TLCD4: variants seen among roughly 807,000 people sequenced by gnomAD.
TLCD4 encodes TLC domain-containing protein 4.
TLCD4 carries 7 observed loss-of-function variants against 24.2 expected under a neutral mutation model. The ratio of observed to expected loss-of-function variants is 0.29; its 90% CI spans 0.16 to 0.54. The LOEUF (loss-of-function observed/expected upper bound fraction) is 0.54. Among genes scored for constraint, TLCD4 ranks in the 20% least tolerant of loss-of-function variants. TLCD4 has a pLI of 0.95. For missense variants in TLCD4, 259 were observed against 313.9 expected (o/e 0.82, Z 1.32); for synonymous variants, 103 against 106.4 (o/e 0.97, Z 0.20).
chr1:95,106,739 T>G, the TLCD4 span, among the ~76,000 whole-genome samples: 1 of 152,086 alleles, frequency 6.6e-6, no homozygotes, highest in African/African-American at 2.4e-5. Flanking sequence ...AAATAAAAAA[T>G]TATTAATATA....
chr1:95,190,676 C>T (rs1678996885), intron 6 of TLCD4, among the ~76,000 whole-genome samples: 1 of 152,156 alleles, frequency 6.6e-6, no homozygotes, highest in Admixed American at 6.5e-5. Context: ...CCTGCCTCAG[C>T]CTCCCAAAGT....
chr1:95,188,056 A>G (rs941913563), intron 6 of TLCD4, among the ~76,000 whole-genome samples: 50 of 152,218 alleles, frequency 3.3e-4, no homozygotes, highest in African/African-American at 1.1e-3. Flanking sequence ...TAAAGGACCT[A>G]TCTTGAAATA....
intron 2 of TLCD4, among the ~76,000 whole-genome samples, chr1:95,145,512 A>G (rs1677319919): frequency 6.6e-6 from 1 of 152,220 alleles, no homozygotes. Context: ...AATAAGCAGT[A>G]TGATTATTTT....
intron 1 of TLCD4, chr1:95,121,199 T>G (rs758043240): frequency 4.6e-5 from 7 of 152,184 alleles, no homozygotes; most frequent in Non-Finnish European, 1.0e-4. Flanking sequence ...GCACATTTCT[T>G]TAGAGCAGTA....
intron 1 of TLCD4, among the ~76,000 whole-genome samples, chr1:95,121,630 C>T (rs1413898199): frequency 2.0e-5 from 3 of 152,160 alleles, no homozygotes; most frequent in Admixed American, 6.5e-5. Context: ...GCCACCACCC[C>T]GGGCTAATTT....
chr1:95,148,563 C>T (rs1343067478), intron 2 of TLCD4, 139 bp from the exon 3 acceptor site: 1 of 1,144,540 alleles, frequency 8.7e-7, no homozygotes, highest in Non-Finnish European at 1.2e-6. Flanking sequence ...GGCAATTTTG[C>T]ATTATACTCT....
the TLCD4 span, among the ~76,000 whole-genome samples, chr1:95,107,930 G>A: frequency 5.3e-5 from 8 of 152,206 alleles, no homozygotes; most frequent in African/African-American, 1.9e-4. Context: ...TGTCGTGAGA[G>A]ATGAATGCTC....
At position 95,146,376 on chromosome 1, in the gene TLCD4, C is replaced by G. The variant is rs145999917; in HGVS notation, c.155+2320C>G. Among the ~76,000 whole-genome samples, 26 of 152,170 alleles carry G rather than the reference C, an allele frequency of 1.7e-4. No individual in the cohort carries two copies. The East Asian group carries it at 3.9e-3, about 23-fold the overall frequency. On this transcript the variant is annotated intron_variant, in intron 2 of 6. Coordinates refer to ENST00000370203, the MANE Select transcript of TLCD4 (RefSeq NM_152487.3). The stretch of plus-strand genomic sequence containing the variant: ...AAAGTCTTATTGTGTTGAAATACTA[C>G]TAATTTTTAAATGTTTCTCTAAAAT...
chr1:95,094,453 A>G, the TLCD4 span, among the ~76,000 whole-genome samples: 4 of 152,196 alleles, frequency 2.6e-5, no homozygotes, highest in Non-Finnish European at 4.4e-5. Context: ...AAGAGTCTAC[A>G]TGGAGAAAGA....
chr1:95,186,561 G>A (rs1449186570), intron 6 of TLCD4, among the ~76,000 whole-genome samples: 1 of 152,126 alleles, frequency 6.6e-6, no homozygotes, highest in Non-Finnish European at 1.5e-5. Context: ...AAATATGGAA[G>A]GCTTATGATT....
At chr1:95,181,781 G>T (rs558444972) in intron 6 of TLCD4, among the ~76,000 whole-genome samples, 4 of 151,744 alleles carry the variant, frequency 2.6e-5, no homozygotes, top group Non-Finnish European at 5.9e-5. Context: ...CACCACGCCC[G>T]GCTAATTTTT....
chr1:95,151,510 A>C, intron 5 of TLCD4, 91 bp downstream of exon 5: 2 of 1,452,460 alleles, frequency 1.4e-6, no homozygotes, highest in African/African-American at 1.4e-5. Flanking sequence ...TACAATTCTT[A>C]GTTTTTAAAG....
At chr1:95,102,299 G>C in the TLCD4 span, among the ~76,000 whole-genome samples, 1 of 152,160 alleles carries the variant, frequency 6.6e-6, no homozygotes, top group Admixed American at 6.5e-5. Context: ...AGAGGAAAAG[G>C]GTGGTATACA....
At chr1:95,158,803 C>T (rs1677704160) in intron 5 of TLCD4, among the ~76,000 whole-genome samples, 1 of 152,038 alleles carries the variant, frequency 6.6e-6, no homozygotes, top group Non-Finnish European at 1.5e-5. Flanking sequence ...ATGATGGTTT[C>T]CAGCTTCATC....
intron 1 of TLCD4, among the ~76,000 whole-genome samples, chr1:95,137,618 T>C (rs1030468711): frequency 5.9e-5 from 9 of 152,132 alleles, no homozygotes; most frequent in Non-Finnish European, 8.8e-5. Flanking sequence ...GTCTGTTTTT[T>C]CTAAAGTCAA....
chr1:95,136,267 ATTG>A (rs886677957), intron 1 of TLCD4, among the ~76,000 whole-genome samples: 1 of 152,064 alleles, frequency 6.6e-6, no homozygotes. Context: ...TGTGTTTAGT[ATTG>A]TTGTTATACT....
intron 1 of TLCD4, among the ~76,000 whole-genome samples, chr1:95,129,724 A>G (rs1384926619): frequency 1.3e-5 from 2 of 152,228 alleles, no homozygotes; most frequent in African/African-American, 4.8e-5. Context: ...CCTGGGCAAC[A>G]GAGTGAGATT....
At chr1:95,139,850 T>G (rs549445183) in intron 1 of TLCD4, among the ~76,000 whole-genome samples, 2 of 152,354 alleles carry the variant, frequency 1.3e-5, no homozygotes, top group South Asian at 4.1e-4. Flanking sequence ...TTATAAGCTT[T>G]CTTCTATTTT....
intron 2 of TLCD4, 147 bp downstream of exon 2, chr1:95,144,203 A>G: frequency 9.5e-7 from 1 of 1,055,096 alleles, no homozygotes; most frequent in Non-Finnish European, 1.2e-6. Context: ...AAACAAGTAG[A>G]TGATCTCATG....
Sources: gnomAD v4.1 joint callset for allele counts (sites outside exome capture counted in the v4.1 genomes callset) on GRCh38, gnomAD v4.1.1 for gene constraint, MANE v1.5 for transcripts, NCBI Gene and HGNC (gene_info 2026-07-23, HGNC 2026-07-21) for gene names.